The following IMMP2L variants were observed in gnomAD, a reference collection of about 807,000 sequenced individuals.
IMMP2L encodes the protein mitochondrial inner membrane protease subunit 2.
Under a neutral mutation model 19.3 loss-of-function variants are expected in IMMP2L, and 18 were observed. That is an observed-to-expected ratio of 0.93 (90% CI 0.64 to 1.38). IMMP2L has a LOEUF of 1.38. IMMP2L is among the 40% of genes most tolerant of loss of function. The probability of loss-of-function intolerance (pLI) is 0.00; values close to 1 mark genes in which losing one functional copy is unlikely to be tolerated. For missense variants in IMMP2L, 233 were observed against 218.2 expected, an observed-to-expected ratio of 1.07 and a Z score of -0.43; for synonymous variants, 76 against 73.0, an observed-to-expected ratio of 1.04 and a Z score of -0.21.
chr7:110,840,024 A>AG (rs111876158), intron 5 of IMMP2L, among the ~76,000 whole-genome samples: 18,945 of 152,022 alleles, frequency 0.12, 2,261 homozygotes, highest in African/African-American at 0.32. Context: ...TAGCCAGCAG[A>AG]GGGCCAATGA....
chr7:111,431,269 C>T (rs1836602690), intron 3 of IMMP2L, among the ~76,000 whole-genome samples: 1 of 151,772 alleles, frequency 6.6e-6, no homozygotes, highest in Non-Finnish European at 1.5e-5. Flanking sequence ...GAAAATGCAA[C>T]CTGTGGTACA....
intron 3 of IMMP2L, among the ~76,000 whole-genome samples, chr7:111,119,769 G>A (rs1033689581): frequency 6.6e-6 from 1 of 152,016 alleles, no homozygotes; most frequent in African/African-American, 2.4e-5. Flanking sequence ...CCAGAAGATA[G>A]GATGCAAAGC....
intron 3 of IMMP2L, among the ~76,000 whole-genome samples, chr7:111,301,915 A>C (rs1338484246): frequency 1.8e-5 from 2 of 111,860 alleles, no homozygotes; most frequent in African/African-American, 3.6e-5. Context: ...TGTCAGTTTC[A>C]TGCTTTAAAA....
At position 110,777,319 on chromosome 7, in the gene IMMP2L, T is replaced by C. The variant is rs181471135; in HGVS notation, c.408+109274A>G. On this transcript the variant is annotated intron_variant, in intron 5 of 5. Transcript: ENST00000405709. ...ATGTGAACACAACTCTTCTGAGCTA[T>C]GACAACCCCACGAGCCATGTTTCCA... Among the ~76,000 whole-genome samples the C allele has an allele frequency of 2.6e-3, 397 of 152,076 alleles. 4 individuals carry two copies. Among genetic ancestry groups the C allele is most frequent in the African/African-American group, 9.0e-3 (374 of 41,516 alleles).
chr7:110,722,946 T>C (rs1419241597), intron 5 of IMMP2L, among the ~76,000 whole-genome samples: 1 of 152,126 alleles, frequency 6.6e-6, no homozygotes, highest in African/African-American at 2.4e-5. Flanking sequence ...TTACAATTTG[T>C]GCAGGGAAAA....
In IMMP2L at chr7:111,418,079, A is replaced by G. The variant is rs1464425804; in HGVS notation, c.239+69159T>C. Among the ~76,000 whole-genome samples the G allele has an allele frequency of 3.3e-5, 5 of 151,916 alleles. 1 individual carries two copies. The highest frequency in any genetic ancestry group is 1.2e-4 in the African/African-American group (5 of 41,202). The stretch of plus-strand genomic sequence containing the variant: ...GAGGGGCTCAAACATTATGTATCCT[A>G]TAGATGTGGAAAAGGTAGTTTAAAA... On this transcript the variant is annotated intron_variant, in intron 3 of 5. Transcript: ENST00000405709.
Position 110,758,436 on chromosome 7 carries a change from A to G in IMMP2L, c.409-94715T>C, listed in dbSNP as rs1490794432. ...TTAGTATGCTATTGGAAAAGATCTT[A>G]TAGACAGGATAATATTGATGACTCA... On this transcript the variant is annotated intron_variant, in intron 5 of 5. Coordinates refer to ENST00000405709, the MANE Select transcript of IMMP2L (RefSeq NM_032549.4). The surrounding 1 kb of genome is among the most constrained non-coding windows in gnomAD (Gnocchi z 4.6). Among the ~76,000 whole-genome samples the G allele has an allele frequency of 6.6e-6, 1 of 152,126 alleles. No individual in the cohort carries two copies. Among genetic ancestry groups the G allele is most frequent in the Non-Finnish European group, 1.5e-5 (1 of 68,006 alleles).
chr7:111,039,245 T>C (rs1170034556), intron 3 of IMMP2L, among the ~76,000 whole-genome samples: 1 of 152,216 alleles, frequency 6.6e-6, no homozygotes, highest in African/African-American at 2.4e-5. Context: ...TTTAAAAGCT[T>C]AAGTTTCAGA....
chr7:111,531,109 G>A (rs1209000273), intron 1 of IMMP2L, among the ~76,000 whole-genome samples: 2 of 151,614 alleles, frequency 1.3e-5, no homozygotes, highest in South Asian at 2.1e-4. Flanking sequence ...CCACCACCAC[G>A]CCCGGCTAAT....
intron 2 of IMMP2L, among the ~76,000 whole-genome samples, chr7:111,487,557 T>G (rs890310205): frequency 3.3e-5 from 5 of 152,154 alleles, no homozygotes; most frequent in African/African-American, 1.2e-4. Context: ...TACCAATGCT[T>G]ATTTGAAAGG....
intron 3 of IMMP2L, among the ~76,000 whole-genome samples, chr7:111,256,066 C>T (rs1293643409): frequency 1.3e-5 from 2 of 151,968 alleles, no homozygotes; most frequent in African/African-American, 4.8e-5. Flanking sequence ...GAGATTTATA[C>T]TATACATTGT....
intron 3 of IMMP2L, among the ~76,000 whole-genome samples, chr7:111,336,118 T>A (rs1347421230): frequency 6.6e-6 from 1 of 152,166 alleles, no homozygotes; most frequent in East Asian, 1.9e-4. Flanking sequence ...GGCACAATGT[T>A]GGCTCACTGC....
intron 4 of IMMP2L, among the ~76,000 whole-genome samples, chr7:110,899,798 T>C (rs952812436): frequency 7.2e-5 from 11 of 152,358 alleles, no homozygotes; most frequent in African/African-American, 2.4e-4. Flanking sequence ...GTATGTTTGC[T>C]ATTAAACATA....
Position 111,078,689 on chromosome 7 carries a change from A to AT in IMMP2L, c.240-115125dup, listed in dbSNP as rs577489526. Among the ~76,000 whole-genome samples the AT allele has an allele frequency of 3.5e-3, 528 of 152,022 alleles. 3 individuals carry two copies. Among genetic ancestry groups the AT allele is most frequent in the African/African-American group, 0.012 (512 of 41,516 alleles). ...TCTTTATCCTTTTTGAGTTTTCAAAATTTTTTACAATAAAGCTGTGGTATT... is the reference window on the plus strand; with the variant it reads ...TCTTTATCCTTTTTGAGTTTTCAAAATTTTTTTACAATAAAGCTGTGGTATT... On this transcript the variant is annotated intron_variant, in intron 3 of 5. Coordinates refer to ENST00000405709, the MANE Select transcript of IMMP2L (RefSeq NM_032549.4).
At chr7:111,118,728 A>T (rs1049042941) in intron 3 of IMMP2L, among the ~76,000 whole-genome samples, 1 of 152,146 alleles carries the variant, frequency 6.6e-6, no homozygotes, top group Non-Finnish European at 1.5e-5. Context: ...TATTAATGAA[A>T]TATCATAATC....
At chr7:110,681,808 T>C (rs1259563610) in intron 5 of IMMP2L, among the ~76,000 whole-genome samples, 3 of 151,968 alleles carry the variant, frequency 2.0e-5, no homozygotes, top group African/African-American at 7.2e-5. Context: ...GTTGTAGGAA[T>C]TGAGAGTAAT....
chr7:110,720,304 GAGTC>G (rs1371862144), intron 5 of IMMP2L, among the ~76,000 whole-genome samples: 1 of 152,172 alleles, frequency 6.6e-6, no homozygotes, highest in Admixed American at 6.5e-5. Flanking sequence ...AAAGGATAAA[GAGTC>G]AGAGCCCCTG....
intron 5 of IMMP2L, among the ~76,000 whole-genome samples, chr7:110,796,363 A>G (rs1049039621): frequency 6.6e-6 from 1 of 152,052 alleles, no homozygotes; most frequent in Non-Finnish European, 1.5e-5. Flanking sequence ...TCAAGGCAGA[A>G]ATAGAACTCT....
intron 4 of IMMP2L, among the ~76,000 whole-genome samples, chr7:110,931,984 G>A (rs1585317175): frequency 6.6e-6 from 1 of 152,076 alleles, no homozygotes; most frequent in South Asian, 2.1e-4. Flanking sequence ...TCTAGCCTGG[G>A]TCGACTTCCC....
Sources: allele counts gnomAD v4.1 joint callset (sites outside exome capture counted in the v4.1 genomes callset), GRCh38; gene constraint gnomAD v4.1.1; non-coding constraint Gnocchi (gnomAD v3.1); transcripts MANE v1.5; gene names NCBI Gene and HGNC (gene_info 2026-07-23, HGNC 2026-07-21).